Variants in SNTG1 observed in about 807,000 individuals in gnomAD.
SNTG1 encodes the protein syntrophin gamma 1, also known as gamma-1-syntrophin.
Under a neutral mutation model 74.7 loss-of-function variants are expected in SNTG1, and 39 were observed. That is an observed-to-expected ratio of 0.52 (90% CI 0.40 to 0.68). The LOEUF (loss-of-function observed/expected upper bound fraction) is 0.68, where lower values mean the gene tolerates loss of function less well. Among genes scored for constraint, SNTG1 ranks in the 30% least tolerant of loss-of-function variants. The pLI is 0.00. For synonymous variants in SNTG1, 254 were observed against 217.1 expected, an observed-to-expected ratio of 1.17 and a Z score of -1.49; for missense variants, 685 against 609.5, an observed-to-expected ratio of 1.12 and a Z score of -1.30.
intron 10 of SNTG1, among the ~76,000 whole-genome samples, chr8:50,534,662 T>C (rs1479063937): frequency 6.6e-6 from 1 of 152,064 alleles, no homozygotes; most frequent in East Asian, 1.9e-4. Flanking sequence ...GCACCTGTAG[T>C]CTCAGCTACT....
intron 18 of SNTG1, among the ~76,000 whole-genome samples, chr8:50,787,701 G>T (rs1027192723): frequency 2.6e-5 from 4 of 151,892 alleles, no homozygotes; most frequent in Admixed American, 2.0e-4. Flanking sequence ...CCACAACATA[G>T]GTGCACCTTG....
At chr8:50,133,405 C>T (rs955673012) in intron 1 of SNTG1, among the ~76,000 whole-genome samples, 4 of 152,178 alleles carry the variant, frequency 2.6e-5, no homozygotes, top group African/African-American at 9.7e-5. Context: ...GTCTCTTACC[C>T]AATTCCAAAG....
At chr8:50,142,142 G>A (rs2131471682) in intron 1 of SNTG1, among the ~76,000 whole-genome samples, 1 of 152,096 alleles carries the variant, frequency 6.6e-6, no homozygotes, top group South Asian at 2.1e-4. Context: ...ATATTTTATA[G>A]TATAGCTGTA....
chr8:50,788,318 T>C (rs981896238), intron 18 of SNTG1, among the ~76,000 whole-genome samples: 1 of 152,008 alleles, frequency 6.6e-6, no homozygotes, highest in African/African-American at 2.4e-5. Context: ...AGAATGTAAT[T>C]TTCTCCAGCA....
At chr8:49,991,216 T>C (rs7012250) in intron 1 of SNTG1, among the ~76,000 whole-genome samples, 6,994 of 152,196 alleles carry the variant, frequency 0.046, 543 homozygotes, top group African/African-American at 0.16. Flanking sequence ...TACCTGCCAG[T>C]TGCAAATCAA....
At chr8:50,036,567 G>C (rs140636717) in intron 1 of SNTG1, among the ~76,000 whole-genome samples, 4 of 152,090 alleles carry the variant, frequency 2.6e-5, no homozygotes, top group Non-Finnish European at 5.9e-5. Context: ...CTCACTAGAC[G>C]AGACCTCCTG....
chr8:50,782,448 A>G (rs1244281607), intron 18 of SNTG1, among the ~76,000 whole-genome samples: 1 of 151,884 alleles, frequency 6.6e-6, no homozygotes, highest in Non-Finnish European at 1.5e-5. Flanking sequence ...ACTTCATTTC[A>G]TTCATTTCAT....
intron 17 of SNTG1, among the ~76,000 whole-genome samples, chr8:50,710,183 A>T (rs1406048630): frequency 6.6e-6 from 1 of 152,202 alleles, no homozygotes; most frequent in Admixed American, 6.5e-5. Flanking sequence ...GTAAAATTAG[A>T]CAGCACACAT....
chr8:50,145,446 A>G (rs1043191251), intron 1 of SNTG1, among the ~76,000 whole-genome samples: 2 of 152,188 alleles, frequency 1.3e-5, no homozygotes. Flanking sequence ...TTCAAAAAAA[A>G]TTGATGTGAA....
chr8:50,426,500 A>G (rs893504179), intron 4 of SNTG1, among the ~76,000 whole-genome samples: 3 of 151,786 alleles, frequency 2.0e-5, no homozygotes, highest in African/African-American at 7.2e-5. Context: ...TAAGAATATA[A>G]AGAAAATATT....
At chr8:50,636,327 T>G (rs2131144671) in intron 13 of SNTG1, among the ~76,000 whole-genome samples, 1 of 152,024 alleles carries the variant, frequency 6.6e-6, no homozygotes, top group South Asian at 2.1e-4. Flanking sequence ...ATCCACTGGC[T>G]TTGAGCCCAG....
chr8:50,364,478 G>A (rs1411480985), intron 2 of SNTG1, among the ~76,000 whole-genome samples: 1 of 152,064 alleles, frequency 6.6e-6, no homozygotes, highest in Non-Finnish European at 1.5e-5. Flanking sequence ...GACGGTTTAT[G>A]TATATTCTGG....
At chr8:50,498,804 T>G (rs2093926284) in intron 8 of SNTG1, among the ~76,000 whole-genome samples, 1 of 151,884 alleles carries the variant, frequency 6.6e-6, no homozygotes, top group South Asian at 2.1e-4. Flanking sequence ...TTTTCTTTTC[T>G]AATGAGGATT....
chr8:50,689,546 A>T lies in SNTG1; in HGVS notation c.1039-15054A>T, dbSNP rs193024455. On this transcript the variant is annotated intron_variant, in intron 15 of 18. Transcript: ENST00000642720. ...TTTGGTTCTGTTTATATGCTGGATT[A>T]AATTTATTGATTTGCATATGTTGAA... 2.0e-3 allele frequency among the ~76,000 whole-genome samples: 304 copies of T among 152,292 alleles called. 4 individuals carry two copies. The highest frequency in any genetic ancestry group is 7.1e-3 in the African/African-American group (297 of 41,562).
intron 2 of SNTG1, among the ~76,000 whole-genome samples, chr8:50,323,417 G>A (rs898054133): frequency 2.0e-5 from 3 of 152,154 alleles, no homozygotes; most frequent in Non-Finnish European, 4.4e-5. Context: ...GTTCTTTGGT[G>A]TCTGGGCATT....
At chr8:50,369,958 C>T (rs2092229694) in intron 2 of SNTG1, among the ~76,000 whole-genome samples, 1 of 152,136 alleles carries the variant, frequency 6.6e-6, no homozygotes. Context: ...TTCTAATATT[C>T]CATGGTGTCT....
At chr8:50,584,241 A>C (rs2094631875) in intron 12 of SNTG1, among the ~76,000 whole-genome samples, 2 of 107,342 alleles carry the variant, frequency 1.9e-5, no homozygotes, top group South Asian at 6.3e-4. Flanking sequence ...GTATGTGTGC[A>C]TGTGTCTTTA....
At position 50,585,499 on chromosome 8, in the gene SNTG1, C is replaced by G. The variant is rs145992298; in HGVS notation, c.811-5380C>G. Among the ~76,000 whole-genome samples the G allele has an allele frequency of 4.2e-4, 64 of 152,214 alleles. No homozygotes were observed. The East Asian group carries it at 0.011, about 27-fold the overall frequency. On this transcript the variant is annotated intron_variant, in intron 12 of 18. Transcript: ENST00000642720. ...AATTGTTCTGATAACATAAAATTAGCATTGGTTTCTAAGAAGTGTAACATG... is the reference window on the plus strand; with the variant it reads ...AATTGTTCTGATAACATAAAATTAGGATTGGTTTCTAAGAAGTGTAACATG...
At position 50,462,794 on chromosome 8, in the gene SNTG1, C is replaced by CTTTTTTTTTTTTTTTTTTTTTT. The variant is rs2093576027; in HGVS notation, c.363+12066_363+12067insTTTTTTTTTTTTTTTTTTTTTT. Among the ~76,000 whole-genome samples, 8 of 43,628 alleles carry CTTTTTTTTTTTTTTTTTTTTTT rather than the reference C, an allele frequency of 1.8e-4. 3 individuals carry two copies. The highest frequency in any genetic ancestry group is 1.5e-4 in the African/African-American group (2 of 13,402). The allele number at this position is 43,628 out of a possible 152,430, so 28.6% of individuals were successfully genotyped here. A position where few individuals can be genotyped will look rare whatever the true frequency, so the allele number is the denominator to read the frequency against. ...AACTCAGTCGCATCTTCAGGTTCTA[C>CTTTTTTTTTTTTTTTTTTTTTT]TCTTTTTTTTTTTTTTTTTTTTTTT... On this transcript the variant is annotated intron_variant, in intron 8 of 18. Coordinates refer to ENST00000642720, the MANE Select transcript of SNTG1 (RefSeq NM_018967.5).
Sources: allele counts gnomAD v4.1 joint callset (sites outside exome capture counted in the v4.1 genomes callset), GRCh38; gene constraint gnomAD v4.1.1; transcripts MANE v1.5; gene names NCBI Gene and HGNC (gene_info 2026-07-23, HGNC 2026-07-21).